PTER: variants seen among roughly 807,000 people sequenced by gnomAD.
PTER encodes the protein phosphotriesterase related.
PTER carries 38 observed loss-of-function variants against 29.6 expected under a neutral mutation model. That is an observed-to-expected ratio of 1.28 (90% CI 0.99 to 1.68). The LOEUF is 1.68. Among genes scored for constraint, PTER ranks in the 40% most tolerant of loss-of-function variants. The probability of loss-of-function intolerance (pLI) is 0.00; values close to 1 mark genes in which losing one functional copy is unlikely to be tolerated. For missense variants in PTER, 482 were observed against 427.8 expected (o/e 1.13, Z -1.12); for synonymous variants, 172 against 154.5 (o/e 1.11, Z -0.84).
chr10:16,503,365 T>G (rs1392272796), intron 3 of PTER, among the ~76,000 whole-genome samples: 1 of 151,976 alleles, frequency 6.6e-6, no homozygotes, highest in Non-Finnish European at 1.5e-5. Context: ...TAGCTGGGAT[T>G]ACAGGTGCCT....
At chr10:16,514,568 T>G, downstream of PTER, 1 of 1,613,884 alleles carries the variant, frequency 6.2e-7, no homozygotes, top group Non-Finnish European at 8.5e-7. Flanking sequence ...CGTGCTGTAT[T>G]TGTTGTTGTT....
chr10:16,499,506 A>G (rs1588627138), intron 3 of PTER, among the ~76,000 whole-genome samples: 1 of 151,976 alleles, frequency 6.6e-6, no homozygotes, highest in South Asian at 2.1e-4. Context: ...CAGTGGCTTG[A>G]TCGTGACTCA....
intron 1 of PTER, among the ~76,000 whole-genome samples, chr10:16,466,100 C>A (rs1834807579): frequency 6.6e-6 from 1 of 152,040 alleles, no homozygotes; most frequent in Admixed American, 6.6e-5. Flanking sequence ...CCTAGTGTTC[C>A]AAGTATGGGA....
intron 1 of PTER, among the ~76,000 whole-genome samples, chr10:16,460,729 AAG>A (rs1414218127): frequency 6.6e-6 from 1 of 152,174 alleles, no homozygotes; most frequent in Non-Finnish European, 1.5e-5. Flanking sequence ...TCTAATCAAA[AAG>A]AGATGAAAAT....
intron 4 of PTER, among the ~76,000 whole-genome samples, chr10:16,505,480 C>T (rs969290294): frequency 3.3e-5 from 5 of 152,162 alleles, no homozygotes; most frequent in African/African-American, 1.2e-4. Flanking sequence ...CTATTTACCC[C>T]TAATGAAATA....
chr10:16,496,779 T>C (rs1229417294), intron 3 of PTER, among the ~76,000 whole-genome samples: 3 of 152,134 alleles, frequency 2.0e-5, no homozygotes, highest in Non-Finnish European at 4.4e-5. Flanking sequence ...TGCAAGTAGG[T>C]GATCAACAAT....
intron 1 of PTER, among the ~76,000 whole-genome samples, chr10:16,442,753 G>T (rs1833890122): frequency 6.6e-6 from 1 of 152,192 alleles, no homozygotes; most frequent in African/African-American, 2.4e-5. Context: ...ACCAAGGCAG[G>T]CGGACCACTT....
intron 4 of PTER, among the ~76,000 whole-genome samples, chr10:16,508,127 GGC>G (rs1344262018): frequency 1.4e-5 from 2 of 139,540 alleles, no homozygotes; most frequent in Non-Finnish European, 3.0e-5. Flanking sequence ...GGAGCGCAGT[GGC>G]GCAATCTCAC....
intron 1 of PTER, among the ~76,000 whole-genome samples, chr10:16,454,957 AG>A (rs1834342203): frequency 6.6e-6 from 1 of 152,202 alleles, no homozygotes; most frequent in African/African-American, 2.4e-5. Context: ...GGCCAGGTGC[AG>A]TGGCTCATGC....
chr10:16,459,755 T>TTTATTTAC (rs796828920), intron 1 of PTER, among the ~76,000 whole-genome samples: 31 of 150,906 alleles, frequency 2.1e-4, no homozygotes, highest in Non-Finnish European at 3.1e-4. Context: ...TATTTATTTA[T>TTTATTTAC]TTACTTATTT....
At chr10:16,489,794 A>T (rs1159342913) in intron 3 of PTER, among the ~76,000 whole-genome samples, 2 of 152,174 alleles carry the variant, frequency 1.3e-5, no homozygotes, top group African/African-American at 4.8e-5. Context: ...CCTCATGTAG[A>T]TGGAATCACA....
In PTER at chr10:16,513,382, G is replaced by A. The variant is rs932159131; in HGVS notation, c.*2126G>A. 1.3e-5 allele frequency: 2 copies of A among 152,042 alleles called. No individual in the cohort carries two copies. The highest frequency in any genetic ancestry group is 4.8e-5 in the African/African-American group (2 of 41,292). 9.4% of individuals were successfully genotyped at this position (152,042 alleles called of 1,614,324 possible). On this transcript the variant is annotated 3_prime_UTR_variant, in exon 5 of 5. Coordinates refer to ENST00000535784, the MANE Select transcript of PTER (RefSeq NM_001261836.2). ...AGGCTATACAGCCACTGTGCCCTGT[G>A]GAATAAAGCCATATATATAAATGTT...
chr10:16,509,813 T>A (rs1836740754), intron 4 of PTER, among the ~76,000 whole-genome samples: 1 of 152,196 alleles, frequency 6.6e-6, no homozygotes, highest in Non-Finnish European at 1.5e-5. Context: ...CAGGCATGGT[T>A]CTTCTCTGCT....
chr10:16,503,049 T>G (rs1053139668), intron 3 of PTER, among the ~76,000 whole-genome samples: 5 of 142,376 alleles, frequency 3.5e-5, no homozygotes, highest in African/African-American at 1.3e-4. Context: ...AGTAGATTCA[T>G]GGACACATGA....
chr10:16,494,029 T>A (rs1293553959), intron 3 of PTER, among the ~76,000 whole-genome samples: 3 of 152,078 alleles, frequency 2.0e-5, no homozygotes, highest in Non-Finnish European at 4.4e-5. Context: ...CTGACACCAT[T>A]CCCATGAAAT....
intron 3 of PTER, among the ~76,000 whole-genome samples, chr10:16,489,502 A>G (rs1405245518): frequency 6.7e-6 from 1 of 149,558 alleles, no homozygotes. Flanking sequence ...AACATCAGAC[A>G]TCTTGGAAAT....
downstream of PTER, among the ~76,000 whole-genome samples, chr10:16,518,613 C>T (rs975564551): frequency 1.7e-4 from 26 of 152,198 alleles, no homozygotes; most frequent in Non-Finnish European, 3.5e-4. Context: ...TAGACATCAA[C>T]ATTTAAACTA....
In PTER at chr10:16,477,298, A is replaced by AGATAGATAGATAGATG. The variant is rs199577499; in HGVS notation, c.-48-7036_-48-7035insAGATAGATAGATGGAT. 1.2e-3 allele frequency among the ~76,000 whole-genome samples: 163 copies of AGATAGATAGATAGATG among 138,758 alleles called. 2 individuals carry two copies. The highest frequency in any genetic ancestry group is 8.8e-3 in the Admixed American group (128 of 14,520). 91.0% of individuals were successfully genotyped at this position (138,758 alleles called of 152,430 possible). A position where few individuals can be genotyped will look rare whatever the true frequency, so the allele number is the denominator to read the frequency against. On this transcript the variant is annotated intron_variant, in intron 1 of 4. Transcript: ENST00000535784. Reference sequence around the variant, plus strand: ...TAGATAGATAGATAGATAGATAGATAGATGGATGTCTGTCTGTCTGCACAT... The same window carrying AGATAGATAGATAGATG: ...TAGATAGATAGATAGATAGATAGATAGATAGATAGATAGATGGATGGATGTCTGTCTGTCTGCACAT...
At chr10:16,437,944 A>G (rs1384044439) in intron 1 of PTER, among the ~76,000 whole-genome samples, 1 of 152,188 alleles carries the variant, frequency 6.6e-6, no homozygotes, top group Non-Finnish European at 1.5e-5. Flanking sequence ...AGAACTTTGG[A>G]CCCAGAAAGA....
Sources: gnomAD v4.1 joint callset for allele counts (sites outside exome capture counted in the v4.1 genomes callset) on GRCh38, gnomAD v4.1.1 for gene constraint, MANE v1.5 for transcripts, NCBI Gene and HGNC (gene_info 2026-07-23, HGNC 2026-07-21) for gene names.